L2HGDH: variants seen among roughly 807,000 people sequenced by gnomAD.
The protein encoded by L2HGDH is L-2-hydroxyglutarate dehydrogenase.
In L2HGDH, 34 loss-of-function variants were observed where a neutral mutation model predicts 51.5. The observed-to-expected ratio is 0.66, with a 90% CI of 0.50 to 0.88. The LOEUF is 0.88. L2HGDH is among the 40% of genes least tolerant of loss of function. The pLI is 0.00. For missense variants in L2HGDH, 558 were observed against 571.9 expected, an observed-to-expected ratio of 0.98 and a Z score of 0.25; for synonymous variants, 198 against 197.9, an observed-to-expected ratio of 1.00 and a Z score of -0.01.
chr14:50,282,402 TTCA>T, intron 5 of L2HGDH: 1 of 455,158 alleles, frequency 2.2e-6, no homozygotes, highest in Non-Finnish European at 4.4e-6. Context: ...GTCTTTTTCC[TTCA>T]TTCTAACCAC....
intron 1 of L2HGDH, 21 bp from the exon 2 acceptor site, chr14:50,303,038 T>A: frequency 6.8e-7 from 1 of 1,464,320 alleles, no homozygotes; most frequent in Non-Finnish European, 9.6e-7. Context: ...AAGTCATCTT[T>A]AAAGTAATTC....
rs140692117 is a variant in L2HGDH at position 50,244,630 on chromosome 14, T to C, written c.*2428A>G. On this transcript the variant is annotated 3_prime_UTR_variant, in exon 10 of 10. Coordinates refer to ENST00000267436, the MANE Select transcript of L2HGDH (RefSeq NM_024884.3). ...GCTTTTAATATACTCATCCTAAGAG[T>C]TGAATAATGGCCTACTCTGTTTACC... 19 of 985,388 alleles carry C rather than the reference T, an allele frequency of 1.9e-5. No individual in the cohort carries two copies. The East Asian group carries it at 1.7e-3, about 88-fold the overall frequency. 61.0% of individuals were successfully genotyped at this position (985,388 alleles called of 1,614,324 possible). A position where few individuals can be genotyped will look rare whatever the true frequency, so the allele number is the denominator to read the frequency against.
intron 4 of L2HGDH, among the ~76,000 whole-genome samples, chr14:50,285,129 C>T (rs1426879233): frequency 6.6e-6 from 1 of 152,278 alleles, no homozygotes; most frequent in East Asian, 1.9e-4. Context: ...CACCTGTAGA[C>T]CCAGCTACTC....
chr14:50,258,133 T>G lies in L2HGDH; in HGVS notation c.1196+7225A>C, dbSNP rs935310202. 5.3e-5 allele frequency among the ~76,000 whole-genome samples: 8 copies of G among 151,660 alleles called. 1 individual carries two copies. Among genetic ancestry groups the G allele is most frequent in the African/African-American group, 1.9e-4 (8 of 41,282 alleles). On this transcript the variant is annotated intron_variant, in intron 9 of 9. Transcript: ENST00000267436. ...ACAGTATAATGAACTCCCATGTATGTATTATCCAGTTGCAACAATTATACA... is the reference window on the plus strand; with the variant it reads ...ACAGTATAATGAACTCCCATGTATGGATTATCCAGTTGCAACAATTATACA...
At chr14:50,268,501 C>T (rs899440578) in intron 7 of L2HGDH, among the ~76,000 whole-genome samples, 13 of 151,780 alleles carry the variant, frequency 8.6e-5, no homozygotes, top group East Asian at 3.9e-4. Flanking sequence ...AGGCTATTCT[C>T]GGTCTTTCAC....
chr14:50,308,113 G>A (rs73277339), intron 1 of L2HGDH, among the ~76,000 whole-genome samples: 1,574 of 152,082 alleles, frequency 0.01, 22 homozygotes, highest in South Asian at 0.031. Context: ...TAGGCAGGCC[G>A]GGTGCGATGG....
chr14:50,270,614 C>G (rs996257493), intron 6 of L2HGDH, among the ~76,000 whole-genome samples: 4 of 152,130 alleles, frequency 2.6e-5, no homozygotes, highest in Non-Finnish European at 5.9e-5. Flanking sequence ...TCACGCCATT[C>G]TCCTGCCTCA....
intron 6 of L2HGDH, among the ~76,000 whole-genome samples, chr14:50,276,015 T>G (rs554021475): frequency 2.6e-5 from 4 of 152,220 alleles, no homozygotes; most frequent in Non-Finnish European, 5.9e-5. Context: ...AAGAGGGGAC[T>G]GCTATACTGA....
chr14:50,286,753 T>C lies in L2HGDH; in HGVS notation c.541-2720A>G, dbSNP rs535970934. Among the ~76,000 whole-genome samples the C allele has an allele frequency of 4.6e-5, 7 of 152,352 alleles. No individual in the cohort carries two copies. The South Asian group carries it at 1.5e-3, about 32-fold the overall frequency. The stretch of plus-strand genomic sequence containing the variant: ...CAGAGAGAAGCAGAATATGCCTCTT[T>C]TGTAAGTTATTTTACTCATTCATCT... On this transcript the variant is annotated intron_variant, in intron 4 of 9. Coordinates refer to ENST00000267436, the MANE Select transcript of L2HGDH (RefSeq NM_024884.3).
chr14:50,263,169 G>A (rs1010744531), intron 9 of L2HGDH, among the ~76,000 whole-genome samples: 10 of 152,184 alleles, frequency 6.6e-5, no homozygotes, highest in Non-Finnish European at 1.5e-4. Flanking sequence ...TGCTCACCTC[G>A]TTTGTTTTCC....
In L2HGDH at chr14:50,265,433, T is replaced by G. The variant is rs372144735; in HGVS notation, c.1121A>C (p.Lys374Thr). The change falls in exon 9 of 10, where the codon AAA becomes ACA. Residue 374 changes from lysine (K) to threonine (T), a missense_variant. Physicochemically the swap from Lys to Thr is moderately conservative, Grantham distance 78. This residue lies in a region of L2HGDH where 321 missense variants were observed against 311.8 expected (regional missense o/e 1.03). Coordinates refer to ENST00000267436, the MANE Select transcript of L2HGDH (RefSeq NM_024884.3). ...NFSYGVTEMY[K>T]ACFLGATVKY... ...CACTGTTGCACCAAGAAAACATGCT[T>G]TATACATTTCAGTAACTCCATAGGA... The G allele has an allele frequency of 2.8e-5, 45 of 1,612,714 alleles. No individual in the cohort carries two copies. Among genetic ancestry groups the G allele is most frequent in the Admixed American group, 3.3e-5 (2 of 60,000 alleles).
At chr14:50,269,702 A>G (rs574811760) in intron 6 of L2HGDH, among the ~76,000 whole-genome samples, 3 of 152,314 alleles carry the variant, frequency 2.0e-5, no homozygotes, top group Admixed American at 2.0e-4. Context: ...AGCAAATGTC[A>G]TTTAGACAGC....
At chr14:50,304,779 G>A (rs1480609527) in intron 1 of L2HGDH, among the ~76,000 whole-genome samples, 2 of 152,128 alleles carry the variant, frequency 1.3e-5, no homozygotes, top group African/African-American at 2.4e-5. Context: ...AGCTTGCAGT[G>A]AGCCAAGATT....
intron 5 of L2HGDH, among the ~76,000 whole-genome samples, chr14:50,283,038 GA>G (rs1890362379): frequency 6.6e-6 from 1 of 151,224 alleles, no homozygotes; most frequent in South Asian, 2.1e-4. Flanking sequence ...AAAAAAAAAA[GA>G]AAAATACAAA....
intron 6 of L2HGDH, among the ~76,000 whole-genome samples, chr14:50,278,054 C>G (rs1280313820): frequency 6.6e-6 from 1 of 152,144 alleles, no homozygotes; most frequent in Non-Finnish European, 1.5e-5. Flanking sequence ...ATTAATGACT[C>G]TGCTCCCTTG....
intron 8 of L2HGDH, among the ~76,000 whole-genome samples, chr14:50,266,394 G>C (rs1889334173): frequency 6.6e-6 from 1 of 152,116 alleles, no homozygotes; most frequent in Non-Finnish European, 1.5e-5. Flanking sequence ...TGTAATCCCA[G>C]CACTTTGGGA....
At chr14:50,266,455 T>C (rs1889339259) in intron 8 of L2HGDH, among the ~76,000 whole-genome samples, 1 of 152,076 alleles carries the variant, frequency 6.6e-6, no homozygotes, top group Non-Finnish European at 1.5e-5. Context: ...CCAGGCTGTG[T>C]AACATGGCGA....
chr14:50,286,908 A>G (rs1229736342), intron 4 of L2HGDH, among the ~76,000 whole-genome samples: 1 of 152,180 alleles, frequency 6.6e-6, no homozygotes, highest in East Asian at 1.9e-4. Context: ...CTTTTACACT[A>G]TAACCTCCTT....
At chr14:50,291,849 T>C (rs960726682) in intron 4 of L2HGDH, among the ~76,000 whole-genome samples, 10 of 152,088 alleles carry the variant, frequency 6.6e-5, no homozygotes, top group Non-Finnish European at 8.8e-5. Flanking sequence ...ACCAAGTATA[T>C]GAATTAGAAA....
Sources: allele counts gnomAD v4.1 joint callset (sites outside exome capture counted in the v4.1 genomes callset), GRCh38; gene constraint gnomAD v4.1.1; regional missense constraint gnomAD v4.1.1; transcripts MANE v1.5; gene names NCBI Gene and HGNC (gene_info 2026-07-23, HGNC 2026-07-21).